The following PDE1C variants were observed in gnomAD, a reference collection of about 807,000 sequenced individuals.
PDE1C encodes the protein dual specificity calcium/calmodulin-dependent 3',5'-cyclic nucleotide phosphodiesterase 1C.
PDE1C carries 62 observed loss-of-function variants against 93.1 expected under a neutral mutation model. The ratio of observed to expected loss-of-function variants is 0.67; its 90% CI spans 0.54 to 0.82. The LOEUF (loss-of-function observed/expected upper bound fraction) is 0.82. Ranked by LOEUF, PDE1C falls within the 40% of genes least tolerant of loss-of-function variation. The probability of loss-of-function intolerance (pLI) is 0.00; values close to 1 mark genes in which losing one functional copy is unlikely to be tolerated. For missense variants in PDE1C, 742 were observed against 884.6 expected (o/e 0.84, Z 2.04); for synonymous variants, 325 against 310.1 (o/e 1.05, Z -0.50).
the PDE1C span, among the ~76,000 whole-genome samples, chr7:31,620,501 G>T: frequency 2.6e-5 from 4 of 151,254 alleles, no homozygotes; most frequent in Non-Finnish European, 4.4e-5. Context: ...GGCAAACAGG[G>T]TCTGGAGTGG....
At chr7:31,879,406 C>A in intron 3 of PDE1C, 1 of 479,492 alleles carries the variant, frequency 2.1e-6, no homozygotes, top group East Asian at 3.2e-5. Context: ...TTCTCTCTAC[C>A]AGACTGGACA....
chr7:31,805,247 G>C (rs1359028243), intron 16 of PDE1C, among the ~76,000 whole-genome samples: 5 of 151,384 alleles, frequency 3.3e-5, no homozygotes, highest in Admixed American at 2.6e-4. Flanking sequence ...AGCGGCCTGA[G>C]GACAGACTAA....
chr7:32,264,554 T>C (rs890092211), intron 1 of PDE1C, among the ~76,000 whole-genome samples: 1 of 152,192 alleles, frequency 6.6e-6, no homozygotes, highest in African/African-American at 2.4e-5. Flanking sequence ...AAGTGTTAGG[T>C]CTATTCATCA....
At chr7:31,629,853 G>A in the PDE1C span, among the ~76,000 whole-genome samples, 1 of 152,182 alleles carries the variant, frequency 6.6e-6, no homozygotes, top group African/African-American at 2.4e-5. Flanking sequence ...AAAAAGAAAT[G>A]TCAAAGATGT....
At chr7:32,366,122 T>G (rs372197436) in intron 1 of PDE1C, among the ~76,000 whole-genome samples, 28 of 152,164 alleles carry the variant, frequency 1.8e-4, no homozygotes, top group African/African-American at 6.3e-4. Flanking sequence ...GAATTCAAAA[T>G]GATAATCTTA....
At chr7:32,214,287 C>A (rs546324723) in intron 1 of PDE1C, among the ~76,000 whole-genome samples, 37 of 152,070 alleles carry the variant, frequency 2.4e-4, no homozygotes, top group Non-Finnish European at 5.3e-4. Context: ...ATTCAAGGCA[C>A]CTGCCATCTC....
chr7:32,407,336 T>G (rs1785075967), intron 1 of PDE1C, among the ~76,000 whole-genome samples: 1 of 152,082 alleles, frequency 6.6e-6, no homozygotes, highest in African/African-American at 2.4e-5. Flanking sequence ...TATCCAAATT[T>G]TATCATTTCT....
the PDE1C span, chr7:31,696,155 T>A: frequency 6.6e-6 from 1 of 152,500 alleles, no homozygotes; most frequent in South Asian, 2.1e-4. Flanking sequence ...CATGTCTCTG[T>A]AACACCCTTG....
intron 1 of PDE1C, among the ~76,000 whole-genome samples, chr7:32,217,200 C>G (rs917052705): frequency 6.6e-6 from 1 of 152,212 alleles, no homozygotes; most frequent in Non-Finnish European, 1.5e-5. Context: ...AATCTAGAAT[C>G]AAATGCATCT....
chr7:31,805,981 GT>G (rs772909798), intron 16 of PDE1C, among the ~76,000 whole-genome samples: 2 of 151,892 alleles, frequency 1.3e-5, no homozygotes, highest in Non-Finnish European at 2.9e-5. Flanking sequence ...GTTGTTTCAG[GT>G]GGGAGGGTAA....
intron 1 of PDE1C, among the ~76,000 whole-genome samples, chr7:32,282,399 C>T (rs1019872632): frequency 6.6e-5 from 10 of 150,596 alleles, no homozygotes; most frequent in African/African-American, 2.4e-4. Context: ...TCGCTTGAAC[C>T]CAGGAAGTGG....
chr7:31,916,340 T>TG (rs1013781095), intron 2 of PDE1C, among the ~76,000 whole-genome samples: 2 of 152,168 alleles, frequency 1.3e-5, no homozygotes, highest in African/African-American at 4.8e-5. Flanking sequence ...CAAATAAAAT[T>TG]GAATTACTGA....
At chr7:32,420,723 ATTT>A (rs61479721) in intron 1 of PDE1C, among the ~76,000 whole-genome samples, 1 of 150,978 alleles carries the variant, frequency 6.6e-6, no homozygotes, top group Non-Finnish European at 1.5e-5. Flanking sequence ...TGGTTAAAAT[ATTT>A]TTTTTAAGTA....
At chr7:32,010,808 T>C (rs1023955753) in intron 2 of PDE1C, among the ~76,000 whole-genome samples, 2 of 152,186 alleles carry the variant, frequency 1.3e-5, no homozygotes, top group Non-Finnish European at 2.9e-5. Flanking sequence ...TCTGCACTTG[T>C]GTCTAAATTC....
At chr7:32,390,374 A>G (rs1457460786) in intron 1 of PDE1C, among the ~76,000 whole-genome samples, 2 of 152,062 alleles carry the variant, frequency 1.3e-5, no homozygotes, top group Non-Finnish European at 2.9e-5. Context: ...GTCTGGAGAC[A>G]TTTACGGTTG....
chr7:32,404,530 T>C (rs1430966207), intron 1 of PDE1C, among the ~76,000 whole-genome samples: 1 of 151,988 alleles, frequency 6.6e-6, no homozygotes, highest in Admixed American at 6.6e-5. Flanking sequence ...ATTTTTTTAT[T>C]TTTTATTTTT....
At chr7:31,920,780 C>G (rs559387938) in intron 2 of PDE1C, among the ~76,000 whole-genome samples, 1 of 152,276 alleles carries the variant, frequency 6.6e-6, no homozygotes, top group Non-Finnish European at 1.5e-5. Flanking sequence ...GTGAGGAAAA[C>G]AGCATGGCCT....
intron 2 of PDE1C, among the ~76,000 whole-genome samples, chr7:32,203,275 G>A (rs1466938012): frequency 1.3e-5 from 2 of 151,506 alleles, no homozygotes; most frequent in African/African-American, 4.9e-5. Context: ...CCCTTCTTTT[G>A]TCACCAACCC....
At chr7:31,779,396 A>T (rs1383663516) in intron 16 of PDE1C, among the ~76,000 whole-genome samples, 2 of 152,180 alleles carry the variant, frequency 1.3e-5, no homozygotes, top group Admixed American at 6.5e-5. Flanking sequence ...GGAATTTTTT[A>T]AAAAATAACT....
Sources: gnomAD v4.1 joint callset for allele counts (sites outside exome capture counted in the v4.1 genomes callset) on GRCh38, gnomAD v4.1.1 for gene constraint, MANE v1.5 for transcripts, NCBI Gene and HGNC (gene_info 2026-07-23, HGNC 2026-07-21) for gene names.